The following POLR3B variants were observed in gnomAD, a reference collection of about 807,000 sequenced individuals.
POLR3B encodes RNA polymerase III subunit B.
POLR3B carries 96 observed loss-of-function variants against 147.4 expected under a neutral mutation model. The ratio of observed to expected loss-of-function variants is 0.65; its 90% confidence interval spans 0.55 to 0.77. The LOEUF (loss-of-function observed/expected upper bound fraction) is 0.77, where lower values mean the gene tolerates loss of function less well. Among genes scored for constraint, POLR3B ranks in the 30% least tolerant of loss-of-function variants. The pLI is 0.00. For synonymous variants in POLR3B, 461 were observed against 485.9 expected, an observed-to-expected ratio of 0.95 and a Z score of 0.67; for missense variants, 1,036 against 1,413.5, an observed-to-expected ratio of 0.73 and a Z score of 4.28.
At chr12:106,488,574 A>C (rs768444548) in intron 23 of POLR3B, among the ~76,000 whole-genome samples, 30 of 152,236 alleles carry the variant, frequency 2.0e-4, no homozygotes, top group Non-Finnish European at 3.4e-4. Flanking sequence ...TGATGTTCCA[A>C]AGGGAAAACA....
At chr12:106,362,473 G>A (rs1224231006) in intron 1 of POLR3B, among the ~76,000 whole-genome samples, 1 of 152,148 alleles carries the variant, frequency 6.6e-6, no homozygotes, top group Non-Finnish European at 1.5e-5. Context: ...TCCTTCTGAG[G>A]GCTATGAGAG....
intron 10 of POLR3B, among the ~76,000 whole-genome samples, chr12:106,398,653 G>GGCA (rs2037016684): frequency 6.6e-6 from 1 of 152,202 alleles, no homozygotes; most frequent in Non-Finnish European, 1.5e-5. Flanking sequence ...GGAACGATCA[G>GGCA]GCAGCAGCAT....
chr12:106,435,502 G>C (rs999329702), intron 16 of POLR3B, among the ~76,000 whole-genome samples: 3 of 151,604 alleles, frequency 2.0e-5, no homozygotes, highest in African/African-American at 7.3e-5. Context: ...AGCCAGAATT[G>C]GTTTCTCTTC....
chr12:106,396,564 CAT>C (rs1056800657), intron 10 of POLR3B, among the ~76,000 whole-genome samples: 8 of 152,212 alleles, frequency 5.3e-5, no homozygotes, highest in Admixed American at 5.2e-4. Context: ...ATCATTAAAA[CAT>C]AATGTGATAT....
At chr12:106,417,639 T>C (rs528604700) in intron 12 of POLR3B, among the ~76,000 whole-genome samples, 2 of 152,194 alleles carry the variant, frequency 1.3e-5, no homozygotes, top group Non-Finnish European at 2.9e-5. Flanking sequence ...ATAGTAACTT[T>C]AGGTTCTAGA....
intron 19 of POLR3B, among the ~76,000 whole-genome samples, chr12:106,446,710 C>T (rs535489741): frequency 5.3e-5 from 8 of 152,142 alleles, no homozygotes; most frequent in East Asian, 3.9e-4. Context: ...TTACTGCTGA[C>T]GCTAGGAAGA....
chr12:106,408,280 A>G (rs748639219), intron 11 of POLR3B, among the ~76,000 whole-genome samples: 1 of 152,178 alleles, frequency 6.6e-6, no homozygotes, highest in Non-Finnish European at 1.5e-5. Flanking sequence ...AGGGAAAAAC[A>G]CGGGCAGATA....
At chr12:106,508,960 C>T (rs958497171) in intron 27 of POLR3B, among the ~76,000 whole-genome samples, 7 of 152,132 alleles carry the variant, frequency 4.6e-5, no homozygotes, top group African/African-American at 1.7e-4. Flanking sequence ...AATTGTTGAG[C>T]GCCTTGCCTA....
At chr12:106,418,355 C>T (rs181807644) in intron 12 of POLR3B, among the ~76,000 whole-genome samples, 1 of 152,262 alleles carries the variant, frequency 6.6e-6, no homozygotes. Flanking sequence ...GGGATTTCTA[C>T]CCTATGACAA....
chr12:106,401,612 C>A (rs1278816026), intron 10 of POLR3B, among the ~76,000 whole-genome samples: 1 of 152,200 alleles, frequency 6.6e-6, no homozygotes, highest in African/African-American at 2.4e-5. Flanking sequence ...AGCTTATCCA[C>A]CATGATCAAG....
At chr12:106,404,161 G>T (rs897013880) in intron 10 of POLR3B, among the ~76,000 whole-genome samples, 1 of 147,648 alleles carries the variant, frequency 6.8e-6, no homozygotes, top group Non-Finnish European at 1.5e-5. Flanking sequence ...CATGATCTCC[G>T]CTCACTGCAA....
intron 12 of POLR3B, among the ~76,000 whole-genome samples, chr12:106,411,691 G>A (rs1306017897): frequency 2.0e-5 from 3 of 152,124 alleles, no homozygotes; most frequent in Non-Finnish European, 4.4e-5. Context: ...AATAATCAAG[G>A]AAACAATCCG....
Position 106,499,839 on chromosome 12 carries a change from A to G in POLR3B, c.2985-1484A>G, listed in dbSNP as rs115625533. Among the ~76,000 whole-genome samples, 1,042 of 152,332 alleles carry G rather than the reference A, an allele frequency of 6.8e-3. 18 individuals carry two copies. The highest frequency in any genetic ancestry group is 0.024 in the African/African-American group (1,002 of 41,572). ...ACCAGGTTGTGCTGAAGTCAGCAGA[A>G]TGGCCTGATGACCACAAAAGCCTTG... is the stretch of plus-strand genomic sequence containing the variant. On this transcript the variant is annotated intron_variant, in intron 25 of 27. Transcript: ENST00000228347.
chr12:106,472,570 T>G (rs2038108683), intron 23 of POLR3B, among the ~76,000 whole-genome samples: 1 of 151,430 alleles, frequency 6.6e-6, no homozygotes, highest in Non-Finnish European at 1.5e-5. Context: ...TGGTGTGAGA[T>G]GATATCTCAT....
chr12:106,375,962 A>T (rs1176952703), intron 6 of POLR3B, among the ~76,000 whole-genome samples: 1 of 152,146 alleles, frequency 6.6e-6, no homozygotes, highest in Admixed American at 6.5e-5. Context: ...CTCCTGTCTC[A>T]GCCTCCTGAG....
intron 12 of POLR3B, among the ~76,000 whole-genome samples, 157 bp downstream of exon 12, chr12:106,411,117 A>G (rs925963643): frequency 6.6e-6 from 1 of 152,164 alleles, no homozygotes; most frequent in Non-Finnish European, 1.5e-5. Flanking sequence ...AATTCCTTTA[A>G]CTATAAAAAC....
At chr12:106,457,757 G>C (rs1050312062) in intron 21 of POLR3B, among the ~76,000 whole-genome samples, 2 of 152,184 alleles carry the variant, frequency 1.3e-5, no homozygotes, top group African/African-American at 4.8e-5. Context: ...GACTGACATT[G>C]ATCAGAGGAT....
chr12:106,506,199 G>T (rs921020954), intron 27 of POLR3B, among the ~76,000 whole-genome samples: 1 of 151,548 alleles, frequency 6.6e-6, no homozygotes, highest in Admixed American at 6.6e-5. Context: ...CAACCAAAAA[G>T]AAAAAAAAGA....
rs532605850 is a variant in POLR3B, at chr12:106,477,120, C to A, written c.2713+13500C>A. ...CCTCAGCTGCAGGTCTGTTGGAATA[C>A]CCTGCCTTGTGAGGTGTCAGTGTGC... is the stretch of plus-strand genomic sequence containing the variant. On this transcript the variant is annotated intron_variant, in intron 23 of 27. Coordinates refer to ENST00000228347, the MANE Select transcript of POLR3B (RefSeq NM_018082.6). Among the ~76,000 whole-genome samples the A allele has an allele frequency of 8.7e-4, 123 of 142,090 alleles. 2 individuals are homozygous for A. The highest frequency in any genetic ancestry group is 3.3e-3 in the African/African-American group (119 of 36,046). 93.2% of individuals were successfully genotyped at this position (142,090 alleles called of 152,430 possible). A position where few individuals can be genotyped will look rare whatever the true frequency, so the allele number is the denominator to read the frequency against.
Sources: allele counts gnomAD v4.1 joint callset (sites outside exome capture counted in the v4.1 genomes callset), GRCh38; gene constraint gnomAD v4.1.1; transcripts MANE v1.5; gene names NCBI Gene and HGNC (gene_info 2026-07-23, HGNC 2026-07-21).